FBXL13: variants seen among roughly 807,000 people sequenced by gnomAD.
The protein encoded by FBXL13 is F-box and leucine rich repeat protein 13.
A neutral mutation model predicts 83.6 loss-of-function variants in FBXL13; 67 were observed. The observed-to-expected ratio is 0.80, with a 90% CI of 0.66 to 0.98. The LOEUF (loss-of-function observed/expected upper bound fraction) is 0.98, where lower values mean the gene tolerates loss of function less well. Among genes scored for constraint, FBXL13 ranks in the 50% least tolerant of loss-of-function variants. The pLI, the probability that FBXL13 is intolerant of heterozygous loss-of-function variation, is 0.00. For missense variants in FBXL13, 822 were observed against 866.5 expected, an observed-to-expected ratio of 0.95 and a Z score of 0.64; for synonymous variants, 272 against 299.5, an observed-to-expected ratio of 0.91 and a Z score of 0.95.
At chr7:102,847,668 A>G (rs1487182751) in intron 17 of FBXL13, among the ~76,000 whole-genome samples, 2 of 151,862 alleles carry the variant, frequency 1.3e-5, no homozygotes, top group Non-Finnish European at 2.9e-5. Flanking sequence ...CTGGGACTAG[A>G]GGTGTGCGCC....
intron 9 of FBXL13, among the ~76,000 whole-genome samples, chr7:102,929,953 G>C (rs1475993916): frequency 6.6e-6 from 1 of 152,024 alleles, no homozygotes; most frequent in Non-Finnish European, 1.5e-5. Context: ...AATAAACAAA[G>C]AGAATGGAAA....
intron 8 of FBXL13, among the ~76,000 whole-genome samples, chr7:102,947,884 C>A (rs890335620): frequency 6.6e-6 from 1 of 152,068 alleles, no homozygotes; most frequent in Non-Finnish European, 1.5e-5. Flanking sequence ...CCTGAGTTGG[C>A]TGTGACCTAA....
chr7:102,987,504 C>A (rs1396360888), intron 6 of FBXL13, among the ~76,000 whole-genome samples: 1 of 151,588 alleles, frequency 6.6e-6, no homozygotes, highest in Non-Finnish European at 1.5e-5. Context: ...CATGAGATAA[C>A]TAATAGCAAA....
intron 17 of FBXL13, among the ~76,000 whole-genome samples, chr7:102,844,356 G>T (rs1306146784): frequency 6.6e-6 from 1 of 152,006 alleles, no homozygotes; most frequent in Non-Finnish European, 1.5e-5. Flanking sequence ...AACTGCACAG[G>T]ACCCATACAT....
rs189225550 is a variant in FBXL13, at chr7:102,866,424, G to A, written c.1635+11043C>T. Among the ~76,000 whole-genome samples the A allele has an allele frequency of 4.6e-5, 7 of 152,296 alleles. No individual in the cohort carries two copies. In the South Asian group the frequency reaches 8.3e-4, roughly 18 times the overall value. ...CTGGCTGGAGAGAAGGGCCTGAGGA[G>A]GACTAGGAGAGGTCCAGCTCCATAT... On this transcript the variant is annotated intron_variant, in intron 16 of 19. Transcript: ENST00000313221.
At position 102,969,363 on chromosome 7, in the gene FBXL13, T is replaced by C. The variant is rs570279710; in HGVS notation, c.496-1246A>G. 2.0e-5 allele frequency among the ~76,000 whole-genome samples: 3 copies of C among 152,300 alleles called. No individual in the cohort carries two copies. In the East Asian group the frequency reaches 5.8e-4, roughly 29 times the overall value. ...TACAACCCAAGTGTGTACTGGATTA[T>C]ACCATCTAGGTTTGTGTAGCACTCT... On this transcript the variant is annotated intron_variant, in intron 6 of 19. Coordinates refer to ENST00000313221, the Ensembl canonical transcript of FBXL13.
intron 11 of FBXL13, among the ~76,000 whole-genome samples, chr7:102,891,397 T>C (rs1811518055): frequency 6.6e-6 from 1 of 152,222 alleles, no homozygotes; most frequent in Non-Finnish European, 1.5e-5. Flanking sequence ...TCTCCCTGCA[T>C]TTTATATCCT....
chr7:102,830,674 A>C (rs1397708814), intron 18 of FBXL13, among the ~76,000 whole-genome samples: 1 of 152,186 alleles, frequency 6.6e-6, no homozygotes, highest in Non-Finnish European at 1.5e-5. Context: ...AACCATACAA[A>C]CCAAACAACA....
intron 2 of FBXL13, among the ~76,000 whole-genome samples, chr7:103,034,255 A>G (rs1468477524): frequency 6.6e-6 from 1 of 152,112 alleles, no homozygotes; most frequent in African/African-American, 2.4e-5. Flanking sequence ...CTCCTCAGCC[A>G]TTGGGTGGTC....
At chr7:102,827,960 G>C (rs1800031933) in intron 18 of FBXL13, among the ~76,000 whole-genome samples, 2 of 152,264 alleles carry the variant, frequency 1.3e-5, no homozygotes, top group African/African-American at 4.8e-5. Context: ...TTTGGTACCA[G>C]TACCATGCTG....
At chr7:102,834,925 C>T (rs568057797) in intron 17 of FBXL13, among the ~76,000 whole-genome samples, 102 of 149,022 alleles carry the variant, frequency 6.8e-4, no homozygotes, top group African/African-American at 2.4e-3. Flanking sequence ...TGTATCAAAA[C>T]AGCATGTTGT....
intron 10 of FBXL13, among the ~76,000 whole-genome samples, chr7:102,924,668 G>T (rs1389698536): frequency 6.8e-6 from 1 of 147,742 alleles, no homozygotes; most frequent in African/African-American, 2.5e-5. Flanking sequence ...TTGAGATGGG[G>T]TCTCGCTCTG....
At chr7:102,927,831 G>A (rs1431438624) in intron 9 of FBXL13, among the ~76,000 whole-genome samples, 1 of 152,198 alleles carries the variant, frequency 6.6e-6, no homozygotes, top group Non-Finnish European at 1.5e-5. Context: ...AAAGAATCTA[G>A]AGAATAACCA....
chr7:102,979,426 C>T (rs1037571451), intron 6 of FBXL13, among the ~76,000 whole-genome samples: 5 of 152,146 alleles, frequency 3.3e-5, no homozygotes, highest in African/African-American at 1.2e-4. Context: ...AGGATAATCT[C>T]CCCATTTCAA....
chr7:102,840,303 G>A (rs1433960914), intron 17 of FBXL13, among the ~76,000 whole-genome samples: 1 of 152,194 alleles, frequency 6.6e-6, no homozygotes, highest in African/African-American at 2.4e-5. Context: ...AACCAGGATT[G>A]AATTACCCAA....
chr7:102,866,115 C>G (rs1459183909), intron 16 of FBXL13, among the ~76,000 whole-genome samples: 3 of 152,160 alleles, frequency 2.0e-5, no homozygotes, highest in Non-Finnish European at 4.4e-5. Flanking sequence ...GACATAGATT[C>G]TGTATTGTGA....
chr7:102,924,474 G>T (rs1377826632), intron 10 of FBXL13, among the ~76,000 whole-genome samples: 1 of 152,036 alleles, frequency 6.6e-6, no homozygotes, highest in African/African-American at 2.4e-5. Flanking sequence ...AGCATCAGAA[G>T]AAATTTCAAA....
Position 102,931,950 on chromosome 7 carries a change from A to G in FBXL13, c.725-17T>C. The G allele has an allele frequency of 3.7e-6, 6 of 1,611,900 alleles. No individual in the cohort carries two copies. Among genetic ancestry groups the G allele is most frequent in the Non-Finnish European group, 3.4e-6 (4 of 1,178,660 alleles). The stretch of plus-strand genomic sequence containing the variant: ...TACAGTGGCCTAAATCAAATAAGTT[A>G]CACGTCACTAAACTACATATTGCAA... On this transcript the variant is annotated splice_polypyrimidine_tract_variant and intron_variant, in intron 8 of 19. Transcript: ENST00000313221.
At chr7:102,973,756 C>T (rs1416185514) in intron 6 of FBXL13, 1 of 765,550 alleles carries the variant, frequency 1.3e-6, no homozygotes, top group African/African-American at 1.7e-5. Flanking sequence ...ACATCAGTCA[C>T]TGATCTCACC....
Sources: gnomAD v4.1 joint callset for allele counts (sites outside exome capture counted in the v4.1 genomes callset) on GRCh38, gnomAD v4.1.1 for gene constraint, MANE v1.5 for transcripts, NCBI Gene and HGNC (gene_info 2026-07-23, HGNC 2026-07-21) for gene names.